Variants in VTI1A observed in about 807,000 individuals in gnomAD.
VTI1A encodes vesicle transport through interaction with t-SNAREs 1A.
VTI1A carries 22 observed loss-of-function variants against 34.9 expected under a neutral mutation model. The observed-to-expected ratio is 0.63, with a 90% CI of 0.45 to 0.90. VTI1A has a LOEUF of 0.90. Ranked by LOEUF, VTI1A falls within the 40% of genes least tolerant of loss-of-function variation. The pLI is 0.00. For missense variants in VTI1A, 268 were observed against 275.6 expected (o/e 0.97, Z 0.20); for synonymous variants, 87 against 97.3 (o/e 0.89, Z 0.62).
chr10:112,546,050 G>A (rs964149331), intron 5 of VTI1A, among the ~76,000 whole-genome samples: 8 of 150,380 alleles, frequency 5.3e-5, no homozygotes, highest in African/African-American at 9.8e-5. Flanking sequence ...GTGTATATAC[G>A]TGTATACGCG....
At chr10:112,545,940 G>C (rs564340341) in intron 5 of VTI1A, among the ~76,000 whole-genome samples, 29 of 151,320 alleles carry the variant, frequency 1.9e-4, no homozygotes, top group African/African-American at 7.1e-4. Context: ...TGTGTATTTT[G>C]CATGTATATG....
intron 5 of VTI1A, among the ~76,000 whole-genome samples, chr10:112,608,859 T>C (rs756804749): frequency 2.0e-5 from 3 of 152,208 alleles, no homozygotes; most frequent in Non-Finnish European, 2.9e-5. Flanking sequence ...TTGAAACTGA[T>C]GTTAAATGAT....
intron 7 of VTI1A, among the ~76,000 whole-genome samples, chr10:112,766,100 G>C (rs1445522713): frequency 1.3e-5 from 2 of 152,230 alleles, no homozygotes; most frequent in East Asian, 3.9e-4. Context: ...AGAAAGGAGA[G>C]AGTGGTATGA....
intron 5 of VTI1A, among the ~76,000 whole-genome samples, chr10:112,607,322 T>C (rs1051721055): frequency 6.6e-6 from 1 of 150,570 alleles, no homozygotes; most frequent in African/African-American, 2.4e-5. Flanking sequence ...CACAGAGAGA[T>C]TGAGTGGCTG....
At chr10:112,450,373 GT>G (rs1847192555) in intron 1 of VTI1A, 1 of 152,176 alleles carries the variant, frequency 6.6e-6, no homozygotes, top group South Asian at 2.1e-4. Flanking sequence ...GGCAAAAATA[GT>G]TTGATGACAA....
At chr10:112,555,288 G>C (rs1589898113) in intron 5 of VTI1A, among the ~76,000 whole-genome samples, 1 of 152,144 alleles carries the variant, frequency 6.6e-6, no homozygotes, top group East Asian at 1.9e-4. Flanking sequence ...CGAGTGGGGA[G>C]AGATTCCATA....
intron 3 of VTI1A, chr10:112,485,268 G>A (rs1848582348): frequency 6.6e-6 from 1 of 151,482 alleles, no homozygotes; most frequent in African/African-American, 2.4e-5. Context: ...GGCGACAAGA[G>A]CGAAACTCTG....
intron 5 of VTI1A, among the ~76,000 whole-genome samples, chr10:112,599,678 C>T (rs895613471): frequency 6.6e-6 from 1 of 152,158 alleles, no homozygotes; most frequent in Non-Finnish European, 1.5e-5. Flanking sequence ...CTCCTAGGTT[C>T]AAGTGATCCT....
intron 7 of VTI1A, among the ~76,000 whole-genome samples, chr10:112,796,788 A>C (rs917956168): frequency 1.3e-5 from 2 of 152,226 alleles, no homozygotes; most frequent in African/African-American, 4.8e-5. Flanking sequence ...ATAGTTCTCT[A>C]TCAAGTAAAC....
chr10:112,806,337 G>T (rs1240438612), intron 7 of VTI1A, among the ~76,000 whole-genome samples: 2 of 150,630 alleles, frequency 1.3e-5, no homozygotes, highest in Non-Finnish European at 3.0e-5. Context: ...CCAGGGTGGA[G>T]TGCAGTGGCA....
chr10:112,564,037 C>T (rs1317710644), intron 5 of VTI1A, among the ~76,000 whole-genome samples: 1 of 151,380 alleles, frequency 6.6e-6, no homozygotes, highest in African/African-American at 2.4e-5. Context: ...ATTAAAATAT[C>T]TACTAAAATG....
chr10:112,705,954 T>G (rs568274008), intron 7 of VTI1A, among the ~76,000 whole-genome samples: 3 of 152,350 alleles, frequency 2.0e-5, no homozygotes, highest in South Asian at 4.1e-4. Context: ...TTGTCGTTGT[T>G]GTTTTTGTTA....
At chr10:112,571,033 A>G (rs901608709) in intron 5 of VTI1A, among the ~76,000 whole-genome samples, 3 of 152,260 alleles carry the variant, frequency 2.0e-5, no homozygotes, top group African/African-American at 7.2e-5. Context: ...TATGTGTTGC[A>G]TACTGTACTG....
chr10:112,687,819 A>G (rs1022410416), intron 7 of VTI1A, among the ~76,000 whole-genome samples: 1 of 152,084 alleles, frequency 6.6e-6, no homozygotes, highest in African/African-American at 2.4e-5. Context: ...CTGACAGAGT[A>G]CTTGAGAGGA....
intron 3 of VTI1A, among the ~76,000 whole-genome samples, chr10:112,514,464 A>AT (rs902286634): frequency 6.0e-5 from 9 of 150,594 alleles, no homozygotes; most frequent in Non-Finnish European, 1.3e-4. Flanking sequence ...GGTATCATTG[A>AT]TTTTTTTCTA....
At chr10:112,821,408 T>A (rs912983017), downstream of VTI1A, among the ~76,000 whole-genome samples, 1 of 152,170 alleles carries the variant, frequency 6.6e-6, no homozygotes, top group Non-Finnish European at 1.5e-5. Context: ...TCCAGCTCAG[T>A]GCCACTTCGT....
chr10:112,839,028 C>A, the VTI1A span, among the ~76,000 whole-genome samples: 1 of 152,124 alleles, frequency 6.6e-6, no homozygotes, highest in Non-Finnish European at 1.5e-5. Flanking sequence ...GCAGCTCAGC[C>A]CAAGGAGGGG....
chr10:112,460,969 T>C (rs1431465773), intron 2 of VTI1A, among the ~76,000 whole-genome samples: 1 of 152,228 alleles, frequency 6.6e-6, no homozygotes, highest in Non-Finnish European at 1.5e-5. Flanking sequence ...GGGTCTGATA[T>C]TTTCTGCTAT....
intron 5 of VTI1A, among the ~76,000 whole-genome samples, chr10:112,587,248 T>G (rs895506027): frequency 6.6e-6 from 1 of 152,294 alleles, no homozygotes; most frequent in Non-Finnish European, 1.5e-5. Flanking sequence ...TGAGTAAACA[T>G]TGTTTTCCAA....
Sources: allele counts gnomAD v4.1 joint callset (sites outside exome capture counted in the v4.1 genomes callset), GRCh38; gene constraint gnomAD v4.1.1; transcripts MANE v1.5; gene names NCBI Gene and HGNC (gene_info 2026-07-23, HGNC 2026-07-21).